The following ZNF385D variants were observed in gnomAD, a reference collection of about 807,000 sequenced individuals.
The protein encoded by ZNF385D is zinc finger protein 659.
Under a neutral mutation model 35.8 loss-of-function variants are expected in ZNF385D, and 15 were observed. The observed-to-expected ratio is 0.42, with a 90% CI of 0.28 to 0.64. The LOEUF (loss-of-function observed/expected upper bound fraction) is 0.64, where lower values mean the gene tolerates loss of function less well. Among genes scored for constraint, ZNF385D ranks in the 30% least tolerant of loss-of-function variants. The pLI, the probability that ZNF385D is intolerant of heterozygous loss-of-function variation, is 0.23. For synonymous variants in ZNF385D, 212 were observed against 186.8 expected (o/e 1.13, Z -1.10); for missense variants, 474 against 494.6 (o/e 0.96, Z 0.39).
At chr3:21,860,722 A>G (rs559425085) in intron 3 of ZNF385D, among the ~76,000 whole-genome samples, 52 of 152,286 alleles carry the variant, frequency 3.4e-4, no homozygotes, top group African/African-American at 1.1e-3. Context: ...TCAAAATCAT[A>G]TATTAATTTC....
intron 3 of ZNF385D, among the ~76,000 whole-genome samples, chr3:21,919,361 T>G (rs192081751): frequency 1.3e-5 from 2 of 152,358 alleles, no homozygotes; most frequent in East Asian, 3.9e-4. Context: ...GAAAGCTGCC[T>G]GCCTTTCTAG....
At chr3:22,290,237 G>A (rs979704283) in intron 2 of ZNF385D, among the ~76,000 whole-genome samples, 1 of 152,054 alleles carries the variant, frequency 6.6e-6, no homozygotes, top group Non-Finnish European at 1.5e-5. Context: ...TTACTGGAAT[G>A]GTGCTAAGAT....
At chr3:21,825,203 A>G (rs1694522152) in intron 3 of ZNF385D, among the ~76,000 whole-genome samples, 1 of 151,728 alleles carries the variant, frequency 6.6e-6, no homozygotes, top group South Asian at 2.1e-4. Flanking sequence ...TTTTCACCAA[A>G]CAGTGTTCTA....
At chr3:21,873,652 G>T (rs1337178611) in intron 3 of ZNF385D, among the ~76,000 whole-genome samples, 1 of 152,024 alleles carries the variant, frequency 6.6e-6, no homozygotes, top group Non-Finnish European at 1.5e-5. Flanking sequence ...CCTCCGCTTA[G>T]GACCTGGAAA....
chr3:21,501,013 C>T (rs978811274), intron 4 of ZNF385D, among the ~76,000 whole-genome samples: 7 of 152,132 alleles, frequency 4.6e-5, no homozygotes, highest in Admixed American at 2.0e-4. Context: ...TGTAGAACAT[C>T]ACTGCACCCC....
intron 3 of ZNF385D, among the ~76,000 whole-genome samples, chr3:22,006,678 T>A (rs1412523066): frequency 1.3e-5 from 2 of 152,048 alleles, no homozygotes; most frequent in Non-Finnish European, 2.9e-5. Context: ...AATGCCTTTA[T>A]TTTTGGCAAT....
At chr3:21,922,446 T>C (rs765632017) in intron 3 of ZNF385D, among the ~76,000 whole-genome samples, 42 of 152,028 alleles carry the variant, frequency 2.8e-4, no homozygotes, top group Admixed American at 1.2e-3. Context: ...CAGATACATA[T>C]ACCAATGGAA....
intron 2 of ZNF385D, among the ~76,000 whole-genome samples, chr3:22,336,750 A>C (rs915951518): frequency 5.9e-5 from 9 of 151,702 alleles, no homozygotes; most frequent in Admixed American, 2.0e-4. Flanking sequence ...TTTTATACCA[A>C]ATTTTTGCAT....
intron 3 of ZNF385D, among the ~76,000 whole-genome samples, chr3:21,889,189 G>T (rs1698709656): frequency 6.6e-6 from 1 of 152,178 alleles, no homozygotes; most frequent in South Asian, 2.1e-4. Flanking sequence ...AATACCTGAA[G>T]CAGCTTTAGT....
At chr3:21,742,819 A>C (rs761591921) in intron 1 of ZNF385D, among the ~76,000 whole-genome samples, 10 of 152,100 alleles carry the variant, frequency 6.6e-5, no homozygotes, top group Admixed American at 1.3e-4. Context: ...CTATATACCA[A>C]ATTATCTACA....
At chr3:22,189,033 C>T (rs150044306) in intron 2 of ZNF385D, among the ~76,000 whole-genome samples, 2 of 144,060 alleles carry the variant, frequency 1.4e-5, no homozygotes, top group South Asian at 4.4e-4. Flanking sequence ...AGCAGAAAAA[C>T]CAGCATTTTT....
At chr3:21,932,132 A>T (rs1182691617) in intron 3 of ZNF385D, among the ~76,000 whole-genome samples, 1 of 126,248 alleles carries the variant, frequency 7.9e-6, no homozygotes, top group Non-Finnish European at 1.6e-5. Flanking sequence ...GCGCCCCTGC[A>T]CTCCGGCCTG....
At chr3:22,265,359 C>T (rs766868754) in intron 2 of ZNF385D, among the ~76,000 whole-genome samples, 4 of 151,772 alleles carry the variant, frequency 2.6e-5, no homozygotes, top group South Asian at 2.1e-4. Context: ...GACACTTAAG[C>T]GATCATCATG....
chr3:21,464,741 A>T (rs1360387093), intron 4 of ZNF385D, among the ~76,000 whole-genome samples: 1 of 47,444 alleles, frequency 2.1e-5, no homozygotes, highest in Non-Finnish European at 3.5e-5. Flanking sequence ...AAAATAAATT[A>T]AAACACACAC....
At chr3:21,921,707 G>C (rs952302869) in intron 3 of ZNF385D, among the ~76,000 whole-genome samples, 2 of 151,824 alleles carry the variant, frequency 1.3e-5, no homozygotes, top group Non-Finnish European at 2.9e-5. Context: ...AGATGATTGT[G>C]AATACCTCTA....
intron 3 of ZNF385D, among the ~76,000 whole-genome samples, chr3:22,074,512 A>C (rs1255707355): frequency 6.6e-6 from 1 of 151,986 alleles, no homozygotes; most frequent in Admixed American, 6.6e-5. Flanking sequence ...TCTGATTATC[A>C]TAAGAGAAAA....
intron 3 of ZNF385D, among the ~76,000 whole-genome samples, chr3:22,130,124 G>A (rs1703688589): frequency 6.6e-6 from 1 of 152,110 alleles, no homozygotes; most frequent in Non-Finnish European, 1.5e-5. Context: ...GGGAGCTATG[G>A]CCTGGAATGG....
At chr3:22,187,918 T>C (rs781534665) in intron 2 of ZNF385D, among the ~76,000 whole-genome samples, 1 of 152,130 alleles carries the variant, frequency 6.6e-6, no homozygotes, top group Non-Finnish European at 1.5e-5. Context: ...CACACAAGAA[T>C]GTCCACACTC....
intron 3 of ZNF385D, among the ~76,000 whole-genome samples, chr3:21,857,671 A>T (rs35270054): frequency 0.05 from 7,595 of 151,892 alleles, 264 homozygotes; most frequent in African/African-American, 0.089. Flanking sequence ...CAACCAGAGG[A>T]GCCAGGGAAT....
Sources: allele counts gnomAD v4.1 joint callset (sites outside exome capture counted in the v4.1 genomes callset), GRCh38; gene constraint gnomAD v4.1.1; transcripts MANE v1.5; gene names NCBI Gene and HGNC (gene_info 2026-07-23, HGNC 2026-07-21).